EZR: variants seen among roughly 807,000 people sequenced by gnomAD.
EZR encodes the protein ezrin.
A neutral mutation model predicts 74.8 loss-of-function variants in EZR; 40 were observed. The ratio of observed to expected loss-of-function variants is 0.53; its 90% confidence interval spans 0.42 to 0.70. The LOEUF (loss-of-function observed/expected upper bound fraction) is 0.70, where lower values mean the gene tolerates loss of function less well. Among genes scored for constraint, EZR ranks in the 30% least tolerant of loss-of-function variants. EZR has a pLI of 0.00. For missense variants in EZR, 678 were observed against 755.8 expected, an observed-to-expected ratio of 0.90 and a Z score of 1.21; for synonymous variants, 341 against 283.3, an observed-to-expected ratio of 1.20 and a Z score of -2.05.
At chr6:158,778,830 G>A (rs1477016889) in intron 7 of EZR, among the ~76,000 whole-genome samples, 1 of 152,142 alleles carries the variant, frequency 6.6e-6, no homozygotes, top group East Asian at 1.9e-4. Context: ...ATAACCCAAA[G>A]ACCGAAACAC....
At chr6:158,802,688 C>T (rs1463007573) in intron 2 of EZR, among the ~76,000 whole-genome samples, 5 of 151,730 alleles carry the variant, frequency 3.3e-5, no homozygotes, top group African/African-American at 9.7e-5. Context: ...TGTGCCACCA[C>T]GCCCAGCTAA....
At chr6:158,786,329 G>A (rs1427777626) in intron 4 of EZR, among the ~76,000 whole-genome samples, 3 of 152,096 alleles carry the variant, frequency 2.0e-5, no homozygotes, top group Admixed American at 6.5e-5. Flanking sequence ...AGCCAAGATC[G>A]TGCCACTGCA....
At chr6:158,813,548 G>A (rs1293079072) in intron 2 of EZR, among the ~76,000 whole-genome samples, 2 of 151,656 alleles carry the variant, frequency 1.3e-5, no homozygotes, top group Non-Finnish European at 1.5e-5. Context: ...GCCCCTCGTG[G>A]AGGAGGAGGG....
At position 158,784,734 on chromosome 6, in the gene EZR, T is replaced by C. The variant is rs755435070; in HGVS notation, c.468-7A>G. The C allele has an allele frequency of 2.5e-6, 4 of 1,613,930 alleles. No homozygotes were observed. Among genetic ancestry groups the C allele is most frequent in the Non-Finnish European group, 3.4e-6 (4 of 1,179,800 alleles). Reference sequence around the variant, plus strand: ...TTTGTGCTGGTCCATCACTCTGGAATGCAAAAGGAAACAGCACTGTCATCC... The same window carrying C: ...TTTGTGCTGGTCCATCACTCTGGAACGCAAAAGGAAACAGCACTGTCATCC... On this transcript the variant is annotated splice_polypyrimidine_tract_variant and splice_region_variant and intron_variant, in intron 5 of 13. Transcript: ENST00000367075.
intron 3 of EZR, 25 bp downstream of exon 3, chr6:158,789,263 T>C (rs1791669407): frequency 6.3e-7 from 1 of 1,585,808 alleles, no homozygotes; most frequent in African/African-American, 1.4e-5. Context: ...GTAGGTGGAG[T>C]TAACTCTCAA....
chr6:158,800,784 A>AGAGT, intron 2 of EZR, among the ~76,000 whole-genome samples: 1 of 152,180 alleles, frequency 6.6e-6, no homozygotes, highest in East Asian at 1.9e-4. Context: ...CCTGGGTGAC[A>AGAGT]GAGTGAGACT....
chr6:158,770,965 C>G (rs1174930146), intron 9 of EZR, 71 bp from the exon 10 acceptor site: 31 of 1,602,450 alleles, frequency 1.9e-5, no homozygotes, highest in Non-Finnish European at 2.6e-5. Context: ...ACACACTTCA[C>G]GGGTACTTGA....
chr6:158,804,869 C>T (rs1309370415), intron 2 of EZR, among the ~76,000 whole-genome samples: 1 of 149,822 alleles, frequency 6.7e-6, no homozygotes, highest in Non-Finnish European at 1.5e-5. Flanking sequence ...CCCACTAACT[C>T]GTCATCTAGC....
At chr6:158,769,703 TTAC>T in intron 11 of EZR, 78 bp downstream of exon 11, 1 of 1,550,436 alleles carries the variant, frequency 6.4e-7, no homozygotes, top group Non-Finnish European at 8.8e-7. Flanking sequence ...ATGACAATTA[TTAC>T]AAGGCAGGTG....
intron 3 of EZR, among the ~76,000 whole-genome samples, chr6:158,787,997 T>G (rs1791628915): frequency 6.6e-6 from 1 of 152,210 alleles, no homozygotes; most frequent in African/African-American, 2.4e-5. Flanking sequence ...TTGTTGAACA[T>G]CATCTAAACC....
At chr6:158,775,998 C>G (rs898217389) in intron 8 of EZR, among the ~76,000 whole-genome samples, 2 of 152,176 alleles carry the variant, frequency 1.3e-5, no homozygotes, top group Non-Finnish European at 2.9e-5. Context: ...GGGTGCAAGT[C>G]TGACTGTCCC....
chr6:158,769,576 C>T (rs528465614), intron 11 of EZR, among the ~76,000 whole-genome samples, 158 bp from the exon 12 acceptor site: 220 of 152,320 alleles, frequency 1.4e-3, no homozygotes, highest in Non-Finnish European at 1.8e-3. Context: ...TGTGCACCCC[C>T]GGCATCTCTT....
chr6:158,803,280 G>T (rs1490560314), intron 2 of EZR, among the ~76,000 whole-genome samples: 7 of 151,430 alleles, frequency 4.6e-5, no homozygotes, highest in Admixed American at 4.6e-4. Context: ...TAGTGATGAA[G>T]TATAACTGGT....
In EZR at chr6:158,770,502, G is replaced by A. The variant is rs187302808; in HGVS notation, c.1090+262C>T. Among the ~76,000 whole-genome samples, 18 of 152,310 alleles carry A rather than the reference G, an allele frequency of 1.2e-4. No individual in the cohort carries two copies. The East Asian group carries it at 2.7e-3, about 23-fold the overall frequency. On this transcript the variant is annotated intron_variant, in intron 10 of 13. Coordinates refer to ENST00000367075, the MANE Select transcript of EZR (RefSeq NM_001111077.2). ...CGCACCAAACCTTACTGTCCTCATCGGGGAAACTGGGTGATTGAGCACTTA... is the reference window on the plus strand; with the variant it reads ...CGCACCAAACCTTACTGTCCTCATCAGGGAAACTGGGTGATTGAGCACTTA...
rs147757313 is a variant in EZR, at chr6:158,798,622, CTTTTTTT to C, written c.13-9258_13-9252del. 8.7e-4 allele frequency among the ~76,000 whole-genome samples: 106 copies of C among 122,194 alleles called. 1 individual carries two copies. The highest frequency in any genetic ancestry group is 2.6e-3 in the Admixed American group (30 of 11,384). The allele number at this position is 122,194 out of a possible 152,430, so 80.2% of individuals were successfully genotyped here. On this transcript the variant is annotated intron_variant, in intron 2 of 13. Coordinates refer to ENST00000367075, the MANE Select transcript of EZR (RefSeq NM_001111077.2). ...AAAAGGGACTTAGTTTGCTGCTCCG[CTTTTTTT>C]TTTTTTTTTTTTTTTTTTGAGAAAG...
Position 158,787,111 on chromosome 6 carries a change from C to G in EZR, c.189G>C (p.Lys63Asn). The G allele has an allele frequency of 6.2e-7, 1 of 1,613,040 alleles. No homozygotes were observed. The highest frequency in any genetic ancestry group is 8.5e-7 in the Non-Finnish European group (1 of 1,179,068). Residue 63 changes from lysine (K) to asparagine (N), a missense_variant, in exon 4 of 14, where the codon AAG becomes AAC. Lys to Asn is a moderately conservative substitution (Grantham distance 94, BLOSUM62 0). Transcript: ENST00000367075. ...TAAATAGTTAATCCTGACTTGCCTT[C>G]TTATCCAGCTTCAGCCAGGTAGGAA... ...KGFPTWLKLD[K>N]KVSAQEVRKE...
intron 12 of EZR, 148 bp from the exon 13 acceptor site, chr6:158,767,660 G>GT: frequency 1.4e-6 from 1 of 710,764 alleles, no homozygotes; most frequent in Non-Finnish European, 2.2e-6. Context: ...AGCACCCTCA[G>GT]GGTGCATGGG....
intron 2 of EZR, among the ~76,000 whole-genome samples, chr6:158,801,998 T>C (rs923405011): frequency 1.3e-5 from 2 of 152,154 alleles, no homozygotes; most frequent in African/African-American, 4.8e-5. Context: ...TGGCCACACA[T>C]GGATTGATAA....
At position 158,787,095 on chromosome 6, in the gene EZR, A is replaced by C; in HGVS notation, c.192+13T>G. 6.2e-7 allele frequency: 1 copy of C among 1,607,688 alleles called. No individual in the cohort carries two copies. Among genetic ancestry groups the C allele is most frequent in the Non-Finnish European group, 8.5e-7 (1 of 1,174,356 alleles). ...CCCAATCCACAGCCTGTAAATAGTT[A>C]ATCCTGACTTGCCTTCTTATCCAGC... On this transcript the variant is annotated intron_variant, in intron 4 of 13. Coordinates refer to ENST00000367075, the MANE Select transcript of EZR (RefSeq NM_001111077.2).
Sources: allele counts gnomAD v4.1 joint callset (sites outside exome capture counted in the v4.1 genomes callset), GRCh38; gene constraint gnomAD v4.1.1; transcripts MANE v1.5; gene names NCBI Gene and HGNC (gene_info 2026-07-23, HGNC 2026-07-21).